Variants in PEX5L observed in about 807,000 individuals in gnomAD.
PEX5L encodes PEX5-related protein.
In PEX5L, 30 loss-of-function variants were observed where a neutral mutation model predicts 84.0. That is an observed-to-expected ratio of 0.36 (90% CI 0.27 to 0.48). The LOEUF (loss-of-function observed/expected upper bound fraction) is 0.48. Ranked by LOEUF, PEX5L falls within the 20% of genes least tolerant of loss-of-function variation. The probability of loss-of-function intolerance (pLI) is 0.99; values close to 1 mark genes in which losing one functional copy is unlikely to be tolerated. For synonymous variants in PEX5L, 270 were observed against 283.1 expected (o/e 0.95, Z 0.46); for missense variants, 533 against 754.6 (o/e 0.71, Z 3.44).
intron 8 of PEX5L, 22 bp from the exon 9 acceptor site, chr3:179,819,998 T>C (rs1244636180): frequency 6.2e-7 from 1 of 1,613,186 alleles, no homozygotes; most frequent in East Asian, 2.2e-5. Flanking sequence ...GAAAAATGAA[T>C]GGAGATGGAT....
chr3:179,962,759 C>T (rs1782379139), intron 2 of PEX5L, among the ~76,000 whole-genome samples: 1 of 152,176 alleles, frequency 6.6e-6, no homozygotes, highest in Admixed American at 6.5e-5. Context: ...AATTTCTCTA[C>T]CAAATGGCTG....
intron 2 of PEX5L, among the ~76,000 whole-genome samples, chr3:179,949,772 G>T (rs998865566): frequency 3.9e-5 from 6 of 152,208 alleles, no homozygotes; most frequent in African/African-American, 1.4e-4. Context: ...CGTGATTATG[G>T]ACAGGTTACC....
chr3:180,033,287 T>C (rs1192717082), intron 1 of PEX5L, among the ~76,000 whole-genome samples: 2 of 152,188 alleles, frequency 1.3e-5, no homozygotes, highest in Admixed American at 1.3e-4. Flanking sequence ...GTGGAATGAT[T>C]CCCCAGACAG....
At chr3:179,816,291 A>T (rs1386881209) in intron 9 of PEX5L, among the ~76,000 whole-genome samples, 10 of 152,238 alleles carry the variant, frequency 6.6e-5, no homozygotes, top group Middle Eastern at 3.2e-3. Flanking sequence ...ATGCACACAT[A>T]TGTTTACTGC....
intron 2 of PEX5L, among the ~76,000 whole-genome samples, chr3:179,916,406 T>G (rs142680307): frequency 9.4e-4 from 143 of 152,250 alleles, no homozygotes; most frequent in African/African-American, 3.3e-3. Context: ...GTAGAAAATG[T>G]AGAGTAAAAA....
chr3:180,018,189 C>A (rs191302224), intron 1 of PEX5L, among the ~76,000 whole-genome samples: 1 of 152,156 alleles, frequency 6.6e-6, no homozygotes, highest in Non-Finnish European at 1.5e-5. Context: ...ATACCATATA[C>A]CTCATATGAA....
chr3:179,973,626 C>T, intron 1 of PEX5L: 1 of 985,360 alleles, frequency 1.0e-6, no homozygotes, highest in Non-Finnish European at 1.2e-6. Context: ...CTATTCTAAA[C>T]TTTCTTGACA....
chr3:180,024,875 T>C (rs1048970461), intron 1 of PEX5L, among the ~76,000 whole-genome samples: 1 of 152,140 alleles, frequency 6.6e-6, no homozygotes, highest in African/African-American at 2.4e-5. Context: ...ATTATCAAAA[T>C]TGTTGTTGAC....
At chr3:179,934,110 C>A (rs923217919) in intron 2 of PEX5L, among the ~76,000 whole-genome samples, 1 of 152,184 alleles carries the variant, frequency 6.6e-6, no homozygotes, top group Non-Finnish European at 1.5e-5. Flanking sequence ...CTTGCTGTTA[C>A]GTCCAGCCTG....
At chr3:179,847,360 G>A (rs566817314) in intron 8 of PEX5L, among the ~76,000 whole-genome samples, 15 of 152,030 alleles carry the variant, frequency 9.9e-5, no homozygotes, top group Admixed American at 4.6e-4. Context: ...GGAGAACCCC[G>A]ACTAATATAA....
Position 180,007,722 on chromosome 3 carries a change from T to C in PEX5L, c.21+28857A>G, listed in dbSNP as rs546276185. ...GTGCACCTGCAGGCTAAATACCACA[T>C]GGAAGCTGCCAAGGTTTGTGGCTTG... On this transcript the variant is annotated intron_variant, in intron 1 of 14. Coordinates refer to ENST00000467460, the MANE Select transcript of PEX5L (RefSeq NM_016559.3). Among the ~76,000 whole-genome samples the C allele has an allele frequency of 3.9e-5, 6 of 152,356 alleles. No individual in the cohort carries two copies. The East Asian group carries it at 1.2e-3, about 29-fold the overall frequency.
rs189479893 is a variant in PEX5L at position 179,831,583 on chromosome 3, A to G, written c.823-11607T>C. ...GCTCACCCTGCTGCTGGAGTGTGCAATTTGCTGGGGCATAGACAGATGCAA... is the reference window on the plus strand; with the variant it reads ...GCTCACCCTGCTGCTGGAGTGTGCAGTTTGCTGGGGCATAGACAGATGCAA... On this transcript the variant is annotated intron_variant, in intron 8 of 14. Coordinates refer to ENST00000467460, the MANE Select transcript of PEX5L (RefSeq NM_016559.3). 1.4e-3 allele frequency among the ~76,000 whole-genome samples: 215 copies of G among 152,252 alleles called. 1 individual carries two copies. Among genetic ancestry groups the G allele is most frequent in the African/African-American group, 4.9e-3 (204 of 41,552 alleles).
intron 7 of PEX5L, among the ~76,000 whole-genome samples, chr3:179,862,102 A>G (rs1299757494): frequency 6.6e-6 from 1 of 152,168 alleles, no homozygotes; most frequent in Non-Finnish European, 1.5e-5. Flanking sequence ...AATCTGCACC[A>G]CGCCTCTCCT....
intron 5 of PEX5L, 108 bp from the exon 6 acceptor site, chr3:179,875,585 G>T: frequency 1.4e-6 from 1 of 710,522 alleles, no homozygotes; most frequent in Non-Finnish European, 2.3e-6. Flanking sequence ...GAGGGAAAAA[G>T]ATTAATTAAG....
chr3:179,982,935 C>G (rs190691060), intron 1 of PEX5L, among the ~76,000 whole-genome samples: 1 of 151,914 alleles, frequency 6.6e-6, no homozygotes, highest in Non-Finnish European at 1.5e-5. Flanking sequence ...AAAAAAACCA[C>G]TAAAAATCTT....
At chr3:179,905,419 C>T (rs2109092454) in intron 2 of PEX5L, among the ~76,000 whole-genome samples, 1 of 152,250 alleles carries the variant, frequency 6.6e-6, no homozygotes, top group South Asian at 2.1e-4. Flanking sequence ...ACTACAGGCG[C>T]CCGCCACCAC....
At chr3:179,869,950 G>A (rs565111733) in intron 7 of PEX5L, among the ~76,000 whole-genome samples, 116 of 152,278 alleles carry the variant, frequency 7.6e-4, no homozygotes, top group African/African-American at 2.6e-3. Context: ...TACATAGTGA[G>A]CTATAACCTA....
chr3:180,011,912 C>T (rs567697242), intron 1 of PEX5L, among the ~76,000 whole-genome samples: 5 of 152,304 alleles, frequency 3.3e-5, no homozygotes, highest in Middle Eastern at 3.4e-3. Flanking sequence ...GAAAGAAGAA[C>T]GACCATGAAC....
At chr3:179,944,303 G>T (rs1271193969) in intron 2 of PEX5L, among the ~76,000 whole-genome samples, 1 of 152,198 alleles carries the variant, frequency 6.6e-6, no homozygotes, top group Non-Finnish European at 1.5e-5. Flanking sequence ...TCTAAGAAGA[G>T]ACTTTTGCTC....
Sources: allele counts gnomAD v4.1 joint callset (sites outside exome capture counted in the v4.1 genomes callset), GRCh38; gene constraint gnomAD v4.1.1; transcripts MANE v1.5; gene names NCBI Gene and HGNC (gene_info 2026-07-23, HGNC 2026-07-21).